Variants in PKN2 observed in about 807,000 individuals in gnomAD.
PKN2 encodes the protein protein kinase N2.
In PKN2, 38 loss-of-function variants were observed where a neutral mutation model predicts 119.1. The ratio of observed to expected loss-of-function variants is 0.32; its 90% CI spans 0.25 to 0.42. PKN2 has a LOEUF of 0.42. Ranked by LOEUF, PKN2 falls within the 10% of genes least tolerant of loss-of-function variation. The pLI is 1.00. For synonymous variants in PKN2, 390 were observed against 384.9 expected (o/e 1.01, Z -0.15); for missense variants, 850 against 1,165.1 (o/e 0.73, Z 3.94).
At chr1:88,735,610 C>CCCCA (rs1668313705) in intron 1 of PKN2, among the ~76,000 whole-genome samples, 1 of 91,262 alleles carries the variant, frequency 1.1e-5, no homozygotes, top group Non-Finnish European at 2.3e-5. Flanking sequence ...CCACCCCCCC[C>CCCCA]CCCCCCACCC....
chr1:88,773,838 C>T (rs1669985511), intron 6 of PKN2, among the ~76,000 whole-genome samples: 1 of 152,040 alleles, frequency 6.6e-6, no homozygotes, highest in Non-Finnish European at 1.5e-5. Flanking sequence ...TGTAATAATC[C>T]TGGTGGTAAC....
chr1:88,806,844 C>T (rs1671561979), intron 12 of PKN2, among the ~76,000 whole-genome samples: 2 of 152,178 alleles, frequency 1.3e-5, no homozygotes, highest in South Asian at 4.2e-4. Flanking sequence ...CTCAGCCTCC[C>T]TAGTAGCTGG....
intron 1 of PKN2, among the ~76,000 whole-genome samples, chr1:88,699,855 T>G (rs959968943): frequency 6.6e-6 from 1 of 152,142 alleles, no homozygotes; most frequent in Non-Finnish European, 1.5e-5. Flanking sequence ...CAATCTTTGC[T>G]CACTGCAACC....
At chr1:88,820,227 T>TAGATAG (rs1672210337) in intron 16 of PKN2, among the ~76,000 whole-genome samples, 1 of 35,166 alleles carries the variant, frequency 2.8e-5, no homozygotes, top group African/African-American at 1.1e-4. Flanking sequence ...TATATATATA[T>TAGATAG]ATATATAAAT....
At chr1:88,696,995 A>G (rs1446888987) in intron 1 of PKN2, among the ~76,000 whole-genome samples, 1 of 152,190 alleles carries the variant, frequency 6.6e-6, no homozygotes, top group Non-Finnish European at 1.5e-5. Context: ...GCATTTGACA[A>G]ATTGGACAAT....
chr1:88,835,970 T>C lies in PKN2; in HGVS notation c.*2522T>C, dbSNP rs1351457538. 6.6e-6 allele frequency: 1 copy of C among 152,152 alleles called. No homozygotes were observed. Among genetic ancestry groups the C allele is most frequent in the African/African-American group, 2.4e-5 (1 of 41,452 alleles). The allele number at this position is 152,152 out of a possible 1,614,324, so 9.4% of individuals were successfully genotyped here. A position where few individuals can be genotyped will look rare whatever the true frequency, so the allele number is the denominator to read the frequency against. Reference sequence around the variant, plus strand: ...AAAACCATGAACATTCAGAGCAAACTGTCCACTTCATTGGGAATAATGGGA... The same window carrying C: ...AAAACCATGAACATTCAGAGCAAACCGTCCACTTCATTGGGAATAATGGGA... On this transcript the variant is annotated 3_prime_UTR_variant, in exon 22 of 22. Coordinates refer to ENST00000370521, the MANE Select transcript of PKN2 (RefSeq NM_006256.4).
rs767148393 is a variant in PKN2 at position 88,771,760 on chromosome 1, G to C, written c.866G>C (p.Ser289Thr). 3.7e-6 allele frequency: 6 copies of C among 1,613,528 alleles called. No homozygotes were observed. The highest frequency in any genetic ancestry group is 5.1e-6 in the Non-Finnish European group (6 of 1,179,672). The change falls in exon 6 of 22, where the codon AGC becomes ACC. Residue 289 changes from serine to threonine, a missense_variant. Ser to Thr is a moderately conservative substitution (Grantham distance 58). This residue lies in a region of PKN2 where 350 missense variants were observed against 511.1 expected (regional missense o/e 0.68). Transcript: ENST00000370521. ...GAAGTCCCCAAGAATCATCCCAAAAGCAGGATTATTATTGAAGAACTTTCA... is the reference window on the plus strand; with the variant it reads ...GAAGTCCCCAAGAATCATCCCAAAACCAGGATTATTATTGAAGAACTTTCA... Reference protein sequence around the residue: ...LNEVPKNHPKSRIIIEELSLV... With the variant: ...LNEVPKNHPKTRIIIEELSLV...
chr1:88,782,566 A>G (rs1345373766), intron 6 of PKN2, among the ~76,000 whole-genome samples: 1 of 152,106 alleles, frequency 6.6e-6, no homozygotes, highest in Non-Finnish European at 1.5e-5. Context: ...TGTGTCTTCA[A>G]GGACACTAAT....
At chr1:88,827,678 C>CTA (rs1420989621) in intron 18 of PKN2, among the ~76,000 whole-genome samples, 5 of 123,812 alleles carry the variant, frequency 4.0e-5, no homozygotes, top group African/African-American at 5.9e-5. Context: ...CCTCCTCTCT[C>CTA]TCTCTCTATA....
chr1:88,694,035 TC>T (rs1165563935), intron 1 of PKN2, among the ~76,000 whole-genome samples: 7 of 152,192 alleles, frequency 4.6e-5, no homozygotes, highest in Non-Finnish European at 8.8e-5. Context: ...TCTAGAGATT[TC>T]TCAAATAACT....
chr1:88,809,854 A>T (rs1671709209), intron 15 of PKN2, among the ~76,000 whole-genome samples: 1 of 152,194 alleles, frequency 6.6e-6, no homozygotes, highest in Admixed American at 6.5e-5. Context: ...GCTTCAAGCG[A>T]TCCTCCTTGG....
chr1:88,811,101 G>A (rs546649437), intron 15 of PKN2, among the ~76,000 whole-genome samples: 1 of 152,266 alleles, frequency 6.6e-6, no homozygotes, highest in East Asian at 1.9e-4. Context: ...CATATTCTGT[G>A]TACCTACCAT....
intron 16 of PKN2, among the ~76,000 whole-genome samples, chr1:88,818,388 C>T (rs1672102464): frequency 6.6e-6 from 1 of 152,176 alleles, no homozygotes. Flanking sequence ...TGGCTCACGC[C>T]TGTAATCCCA....
At chr1:88,753,995 G>T (rs889189635) in intron 2 of PKN2, among the ~76,000 whole-genome samples, 4 of 151,036 alleles carry the variant, frequency 2.6e-5, no homozygotes, top group Non-Finnish European at 4.4e-5. Context: ...TCCTTTGAAG[G>T]TACCCTTTTC....
At chr1:88,700,619 G>A (rs1020529394) in intron 1 of PKN2, among the ~76,000 whole-genome samples, 2 of 152,132 alleles carry the variant, frequency 1.3e-5, no homozygotes, top group Non-Finnish European at 2.9e-5. Context: ...GTCCAATCAC[G>A]TTACGGCTGT....
At chr1:88,728,056 G>A (rs1023043396) in intron 1 of PKN2, among the ~76,000 whole-genome samples, 3 of 143,978 alleles carry the variant, frequency 2.1e-5, no homozygotes, top group African/African-American at 5.1e-5. Flanking sequence ...TTGGGTTACA[G>A]ACTTCTGGCA....
At chr1:88,721,099 T>A (rs1667659938) in intron 1 of PKN2, among the ~76,000 whole-genome samples, 1 of 152,166 alleles carries the variant, frequency 6.6e-6, no homozygotes. Flanking sequence ...GCAAGTGTCT[T>A]TTTCATATAA....
intron 1 of PKN2, among the ~76,000 whole-genome samples, chr1:88,734,835 C>T (rs1486503507): frequency 6.6e-6 from 1 of 152,108 alleles, no homozygotes; most frequent in Non-Finnish European, 1.5e-5. Flanking sequence ...AAACTGATAG[C>T]AACCCAACTT....
At chr1:88,801,440 GC>G (rs1671307239) in intron 8 of PKN2, among the ~76,000 whole-genome samples, 1 of 152,136 alleles carries the variant, frequency 6.6e-6, no homozygotes, top group Non-Finnish European at 1.5e-5. Context: ...ATCTTCTTAT[GC>G]AGAAGCTTCA....
Sources: allele counts gnomAD v4.1 joint callset (sites outside exome capture counted in the v4.1 genomes callset), GRCh38; gene constraint gnomAD v4.1.1; regional missense constraint gnomAD v4.1.1; transcripts MANE v1.5; gene names NCBI Gene and HGNC (gene_info 2026-07-23, HGNC 2026-07-21).